The following PLCG2 variants were observed in gnomAD, a reference collection of about 807,000 sequenced individuals.
PLCG2 encodes the protein 1-phosphatidylinositol 4,5-bisphosphate phosphodiesterase gamma-2.
In PLCG2, 69 loss-of-function variants were observed where a neutral mutation model predicts 175.6. The observed-to-expected ratio is 0.39, with a 90% CI of 0.32 to 0.48. The LOEUF (loss-of-function observed/expected upper bound fraction) is 0.48, where lower values mean the gene tolerates loss of function less well. Among genes scored for constraint, PLCG2 ranks in the 20% least tolerant of loss-of-function variants. PLCG2 has a pLI of 0.91. For synonymous variants in PLCG2, 827 were observed against 624.0 expected (o/e 1.33, Z -4.85); for missense variants, 1,798 against 1,650.9 (o/e 1.09, Z -1.54).
At position 81,927,186 on chromosome 16, in the gene PLCG2, C is replaced by T. The variant is rs1323025587; in HGVS notation, c.2514+8C>T. 6.3e-7 allele frequency: 1 copy of T among 1,587,212 alleles called. No homozygotes were observed. The highest frequency in any genetic ancestry group is 8.7e-7 in the Non-Finnish European group (1 of 1,155,658). Reference sequence around the variant, plus strand: ...GAGGAGCTAGAAAAGCAGGTGAGTCCCCCTCTTCGATCCTCTTACAGGAAG... The same window carrying T: ...GAGGAGCTAGAAAAGCAGGTGAGTCTCCCTCTTCGATCCTCTTACAGGAAG... On this transcript the variant is annotated splice_region_variant and intron_variant, in intron 23 of 32. Coordinates refer to ENST00000564138, the MANE Select transcript of PLCG2 (RefSeq NM_002661.5).
At chr16:81,874,963 T>G (rs796856161) in intron 7 of PLCG2, among the ~76,000 whole-genome samples, 16 of 56,228 alleles carry the variant, frequency 2.8e-4, no homozygotes, top group East Asian at 4.9e-4. Context: ...TTTTTTTTTT[T>G]TTTTTTTTTT....
At chr16:81,766,544 A>G (rs1038355614) in intron 2 of PLCG2, among the ~76,000 whole-genome samples, 1 of 151,980 alleles carries the variant, frequency 6.6e-6, no homozygotes, top group Non-Finnish European at 1.5e-5. Context: ...AGCCTTTGTG[A>G]CCACCACACA....
intron 7 of PLCG2, among the ~76,000 whole-genome samples, chr16:81,872,853 A>C (rs1907585165): frequency 6.6e-6 from 1 of 152,190 alleles, no homozygotes; most frequent in Non-Finnish European, 1.5e-5. Context: ...AGGCATTTTT[A>C]AGTGATGAGC....
At chr16:81,818,195 C>T (rs538077714) in intron 2 of PLCG2, among the ~76,000 whole-genome samples, 15 of 152,348 alleles carry the variant, frequency 9.8e-5, no homozygotes, top group African/African-American at 3.4e-4. Context: ...CTCTGTGCCT[C>T]AGTTTCCTCA....
intron 2 of PLCG2, among the ~76,000 whole-genome samples, chr16:81,823,104 T>C (rs558279155): frequency 1.3e-5 from 2 of 152,264 alleles, no homozygotes; most frequent in Non-Finnish European, 2.9e-5. Flanking sequence ...GCGAGGCCTA[T>C]GTTGGCTGTG....
At chr16:81,778,514 C>T (rs991373300), upstream of PLCG2, among the ~76,000 whole-genome samples, 1 of 152,218 alleles carries the variant, frequency 6.6e-6, no homozygotes, top group Non-Finnish European at 1.5e-5. Context: ...CAGATAGCTT[C>T]ATGCAACACA....
rs61352183 is a variant in PLCG2, at chr16:81,803,633, T to TTCCC, written c.193+17481_193+17484dup. 2.1e-3 allele frequency among the ~76,000 whole-genome samples: 189 copies of TTCCC among 88,568 alleles called. 2 individuals are homozygous for TTCCC. Among genetic ancestry groups the TTCCC allele is most frequent in the East Asian group, 0.011 (15 of 1,356 alleles). 58.1% of individuals were successfully genotyped at this position (88,568 alleles called of 152,430 possible). The stretch of plus-strand genomic sequence containing the variant: ...TCTTTTCTTTTCCTTTCTTTTCTTC[T>TTCCC]TCCCTCCCTCCCTCCCTCCCTCCCT... On this transcript the variant is annotated intron_variant, in intron 2 of 32. Coordinates refer to ENST00000564138, the MANE Select transcript of PLCG2 (RefSeq NM_002661.5).
intron 7 of PLCG2, among the ~76,000 whole-genome samples, chr16:81,871,876 G>A (rs1211935051): frequency 6.6e-6 from 1 of 152,118 alleles, no homozygotes; most frequent in Non-Finnish European, 1.5e-5. Flanking sequence ...GAATTGCTGG[G>A]TAAATTATGG....
intron 4 of PLCG2, among the ~76,000 whole-genome samples, chr16:81,858,727 C>G (rs1414787215): frequency 1.3e-5 from 2 of 152,198 alleles, no homozygotes; most frequent in East Asian, 3.8e-4. Flanking sequence ...CTATCACTCC[C>G]TCCTGGGTTG....
At chr16:81,852,226 G>C (rs1435021858) in intron 2 of PLCG2, 1 of 152,216 alleles carries the variant, frequency 6.6e-6, no homozygotes, top group Non-Finnish European at 1.5e-5. Flanking sequence ...CCGTGGAGGG[G>C]AGGTTTTACC....
intron 14 of PLCG2, among the ~76,000 whole-genome samples, chr16:81,901,773 A>G (rs748828281): frequency 6.6e-6 from 1 of 152,250 alleles, no homozygotes; most frequent in Non-Finnish European, 1.5e-5. Flanking sequence ...CTTTGGAATT[A>G]TGGAGGTTAT....
chr16:81,788,137 G>T (rs1035456289), intron 2 of PLCG2, among the ~76,000 whole-genome samples: 2 of 152,156 alleles, frequency 1.3e-5, no homozygotes, highest in Non-Finnish European at 2.9e-5. Flanking sequence ...TTTAGGAACT[G>T]TCAGACTGTT....
At chr16:81,844,657 C>T (rs983163675) in intron 2 of PLCG2, among the ~76,000 whole-genome samples, 3 of 152,152 alleles carry the variant, frequency 2.0e-5, no homozygotes, top group African/African-American at 7.2e-5. Context: ...CCTAGGTGCT[C>T]GTGAACCTCG....
intron 14 of PLCG2, among the ~76,000 whole-genome samples, chr16:81,901,255 G>C (rs1166143784): frequency 1.3e-5 from 2 of 152,214 alleles, no homozygotes; most frequent in African/African-American, 2.4e-5. Context: ...AGAAAAGGCT[G>C]AGTGCAGCAA....
chr16:81,864,525 G>C (rs897668675), intron 5 of PLCG2, among the ~76,000 whole-genome samples: 3 of 152,156 alleles, frequency 2.0e-5, no homozygotes, highest in African/African-American at 7.2e-5. Context: ...TGTGAATTGG[G>C]GTAAATGATT....
intron 2 of PLCG2, among the ~76,000 whole-genome samples, chr16:81,760,368 C>G (rs1359700459): frequency 6.6e-6 from 1 of 152,090 alleles, no homozygotes; most frequent in African/African-American, 2.4e-5. Flanking sequence ...GTGTTTCTGC[C>G]ACTACCTTTG....
chr16:81,827,072 T>C (rs1321581680), intron 2 of PLCG2, among the ~76,000 whole-genome samples: 1 of 152,200 alleles, frequency 6.6e-6, no homozygotes, highest in African/African-American at 2.4e-5. Context: ...GATTGTGCTG[T>C]GGCCTAGGGC....
intron 1 of PLCG2, chr16:81,739,422 C>T (rs1218367847): frequency 6.6e-6 from 1 of 152,102 alleles, no homozygotes; most frequent in East Asian, 1.9e-4. Flanking sequence ...GCATTTTCCG[C>T]TCGAGTGGAG....
In PLCG2 at chr16:81,899,067, T is replaced by C. The variant is rs1354893669; in HGVS notation, c.1194-1545T>C. 3.3e-5 allele frequency among the ~76,000 whole-genome samples: 5 copies of C among 152,222 alleles called. No individual in the cohort carries two copies. In the South Asian group the frequency reaches 1.0e-3, roughly 32 times the overall value. On this transcript the variant is annotated intron_variant, in intron 13 of 32. Coordinates refer to ENST00000564138, the MANE Select transcript of PLCG2 (RefSeq NM_002661.5). Reference sequence around the variant, plus strand: ...AACTGGGCATGCTGGCAGATACCTGTAATCTCAGCTACTCAGGAGGCTGAG... The same window carrying C: ...AACTGGGCATGCTGGCAGATACCTGCAATCTCAGCTACTCAGGAGGCTGAG...
Sources: allele counts gnomAD v4.1 joint callset (sites outside exome capture counted in the v4.1 genomes callset), GRCh38; gene constraint gnomAD v4.1.1; transcripts MANE v1.5; gene names NCBI Gene and HGNC (gene_info 2026-07-23, HGNC 2026-07-21).